NCOR2: variants seen among roughly 807,000 people sequenced by gnomAD.
NCOR2 encodes CTG repeat protein 26.
Under a neutral mutation model 262.9 loss-of-function variants are expected in NCOR2, and 81 were observed. The observed-to-expected ratio is 0.31, with a 90% CI of 0.26 to 0.37. The LOEUF (loss-of-function observed/expected upper bound fraction) is 0.37, where lower values mean the gene tolerates loss of function less well. Among genes scored for constraint, NCOR2 ranks in the 10% least tolerant of loss-of-function variants. The pLI is 1.00. For synonymous variants in NCOR2, 1,659 were observed against 1,559.3 expected (o/e 1.06, Z -1.51); for missense variants, 3,385 against 3,621.4 (o/e 0.93, Z 1.68).
In NCOR2 at chr12:124,566,919, A is replaced by G. The variant is rs2052261266; in HGVS notation, c.-165+389T>C. Reference sequence around the variant, plus strand: ...AAACCCGCGCTGCCCGATGGAAAATAAGGCGCAGTGTCGCCCCGCCAGGTC... The same window carrying G: ...AAACCCGCGCTGCCCGATGGAAAATGAGGCGCAGTGTCGCCCCGCCAGGTC... On this transcript the variant is annotated intron_variant, in intron 1 of 32. Coordinates refer to the NCOR2 transcript ENST00000458234. The surrounding 1 kb of genome is among the most constrained non-coding windows in gnomAD (Gnocchi z 4.3). 6.6e-6 allele frequency among the ~76,000 whole-genome samples: 1 copy of G among 152,158 alleles called. No homozygotes were observed. Among genetic ancestry groups the G allele is most frequent in the East Asian group, 1.9e-4 (1 of 5,174 alleles).
exon 21 of NCOR2, chr12:124,363,742 G>T: frequency 7.1e-7 from 1 of 1,401,704 alleles, no homozygotes. Flanking sequence ...TCTGGGGTGA[G>T]GCATTGGCCC....
rs183467612 is a variant in NCOR2 at position 124,347,742 on chromosome 12, C to T, written c.4072+83G>A. 525 of 1,402,616 alleles carry T rather than the reference C, an allele frequency of 3.7e-4. 3 individuals carry two copies. The African/African-American group carries it at 6.8e-3, about 18-fold the overall frequency. The allele number at this position is 1,402,616 out of a possible 1,614,324, so 86.9% of individuals were successfully genotyped here. A position where few individuals can be genotyped will look rare whatever the true frequency, so the allele number is the denominator to read the frequency against. On this transcript the variant is annotated intron_variant, in intron 30 of 46. Transcript: ENST00000405201. ...ATACTTGTCCTGAGTTCCCACCACACTCTGGCTGTGTCTCTCCCTCCCGCG... is the reference window on the plus strand; with the variant it reads ...ATACTTGTCCTGAGTTCCCACCACATTCTGGCTGTGTCTCTCCCTCCCGCG...
At chr12:124,529,174 C>G in intron 1 of NCOR2, among the ~76,000 whole-genome samples, 1 of 80,746 alleles carries the variant, frequency 1.2e-5, no homozygotes, top group Non-Finnish European at 2.1e-5. Context: ...AGCGAAACTC[C>G]GACTCAAAAA....
At chr12:124,506,907 TGGCTGAGCTGG>T (rs1325401539) in intron 1 of NCOR2, among the ~76,000 whole-genome samples, 1 of 152,074 alleles carries the variant, frequency 6.6e-6, no homozygotes, top group African/African-American at 2.4e-5. Flanking sequence ...GGGAGCTGGG[TGGCTGAGCTGG>T]GGCTGAGCTC....
At chr12:124,469,091 G>C (rs1017245488) in intron 4 of NCOR2, among the ~76,000 whole-genome samples, 2 of 151,798 alleles carry the variant, frequency 1.3e-5, no homozygotes, top group Non-Finnish European at 2.9e-5. Flanking sequence ...CTGCTTCATA[G>C]CAAGAGGGAG....
rs1242631979 is a variant in NCOR2 at position 124,432,940 on chromosome 12, G to A, written c.883-2153C>T. Reference sequence around the variant, plus strand: ...CCCAGTTACTCCACCTCTAACAGCTGGGGGTGGACAGACGGTGTGATCTGG... The same window carrying A: ...CCCAGTTACTCCACCTCTAACAGCTAGGGGTGGACAGACGGTGTGATCTGG... On this transcript the variant is annotated intron_variant, in intron 8 of 46. Transcript: ENST00000405201. The surrounding 1 kb of genome is among the most constrained non-coding windows in gnomAD (Gnocchi z 5.1). Among the ~76,000 whole-genome samples, 1 of 152,198 alleles carries A rather than the reference G, an allele frequency of 6.6e-6. No homozygotes were observed. The highest frequency in any genetic ancestry group is 6.5e-5 in the Admixed American group (1 of 15,284).
intron 12 of NCOR2, among the ~76,000 whole-genome samples, chr12:124,421,618 AC>A (rs2043207892): frequency 6.6e-6 from 1 of 152,216 alleles, no homozygotes; most frequent in Non-Finnish European, 1.5e-5. Flanking sequence ...CCCTCCTACA[AC>A]CAGGAAGCCC....
chr12:124,391,063 A>G (rs1464513640), intron 16 of NCOR2, among the ~76,000 whole-genome samples: 1 of 152,232 alleles, frequency 6.6e-6, no homozygotes, highest in African/African-American at 2.4e-5. Flanking sequence ...TGTGGGGGCC[A>G]GGACTCAGCC....
chr12:124,402,511 G>GGGC (rs761195113), exon 14 of NCOR2: 5 of 1,032,218 alleles, frequency 4.8e-6, no homozygotes, highest in African/African-American at 3.3e-5. Context: ...TGCGGGGCAT[G>GGGC]GGCTGCTGCT....
intron 16 of NCOR2, among the ~76,000 whole-genome samples, chr12:124,390,934 G>T (rs2041259399): frequency 6.6e-6 from 1 of 152,254 alleles, no homozygotes. Flanking sequence ...GGAGAGCCAG[G>T]CGCAGGGGCC....
At chr12:124,329,564 G>A (rs2035003175) in intron 44 of NCOR2, among the ~76,000 whole-genome samples, 1 of 152,094 alleles carries the variant, frequency 6.6e-6, no homozygotes, top group African/African-American at 2.4e-5. Flanking sequence ...AACATATTGA[G>A]AGCCTGTCTC....
At position 124,334,550 on chromosome 12, in the gene NCOR2, AG is replaced by A; in HGVS notation, c.6478del (p.Leu2160SerfsTer69). 3 of 1,391,208 alleles carry A rather than the reference AG, an allele frequency of 2.2e-6. No homozygotes were observed. Among genetic ancestry groups the A allele is most frequent in the Non-Finnish European group, 1.9e-6 (2 of 1,073,480 alleles). The allele number at this position is 1,391,208 out of a possible 1,614,324, so 86.2% of individuals were successfully genotyped here. A position where few individuals can be genotyped will look rare whatever the true frequency, so the allele number is the denominator to read the frequency against. On this transcript the variant is annotated frameshift_variant, in exon 41 of 47. Coordinates refer to ENST00000405201, the Ensembl canonical transcript of NCOR2. LOFTEE classifies it high-confidence loss of function. ...GCAGCTGGCCCCAGGGAAGGAGTAG[AG>A]GGGGGCGGGCAGGGGTGCGCTGAGC... is the stretch of plus-strand genomic sequence containing the variant.
At chr12:124,420,988 A>C (rs778798295) in intron 12 of NCOR2, among the ~76,000 whole-genome samples, 11 of 152,254 alleles carry the variant, frequency 7.2e-5, no homozygotes, top group Non-Finnish European at 1.6e-4. Context: ...CAATCGAGAA[A>C]GACGTTTTAT....
At chr12:124,340,395 C>T (rs569116167) in exon 36 of NCOR2, 75 of 1,613,116 alleles carry the variant, frequency 4.6e-5, no homozygotes, top group South Asian at 3.4e-4. Flanking sequence ...GTCTCGCTCC[C>T]GCTCGGACGA....
intron 42 of NCOR2, 63 bp from the exon 45 acceptor site, chr12:124,332,530 G>A: frequency 1.2e-6 from 2 of 1,607,398 alleles, no homozygotes; most frequent in East Asian, 2.2e-5. Flanking sequence ...CTTTGATGAT[G>A]GGGAACTCAC....
chr12:124,413,819 C>T (rs1264302081), intron 13 of NCOR2, among the ~76,000 whole-genome samples: 4 of 152,048 alleles, frequency 2.6e-5, no homozygotes, highest in African/African-American at 4.8e-5. Context: ...ATGGTAACGG[C>T]GGAGGCACTG....
chr12:124,329,598 C>G (rs139959877), intron 44 of NCOR2, among the ~76,000 whole-genome samples: 4 of 151,920 alleles, frequency 2.6e-5, no homozygotes, highest in African/African-American at 9.7e-5. Context: ...AAAAATTACT[C>G]GGGTGCAGTG....
At chr12:124,474,807 C>CG (rs1373831863) in intron 3 of NCOR2, among the ~76,000 whole-genome samples, 1 of 152,170 alleles carries the variant, frequency 6.6e-6, no homozygotes, top group Non-Finnish European at 1.5e-5. Flanking sequence ...ACCCAGCCCC[C>CG]GCCCTGTGCC....
chr12:124,330,935 T>A, intron 43 of NCOR2, 37 bp from the exon 46 acceptor site: 1 of 1,560,954 alleles, frequency 6.4e-7, no homozygotes. Flanking sequence ...GGCCCCCAGG[T>A]CTCTGGGAAT....
Sources: gnomAD v4.1 joint callset for allele counts (sites outside exome capture counted in the v4.1 genomes callset) on GRCh38, gnomAD v4.1.1 for gene constraint, Gnocchi (gnomAD v3.1) non-coding constraint, MANE v1.5 for transcripts, NCBI Gene and HGNC (gene_info 2026-07-23, HGNC 2026-07-21) for gene names.